ZNF473: variants seen among roughly 807,000 people sequenced by gnomAD.
ZNF473 encodes zinc finger protein 100 homolog.
ZNF473 carries 4 observed loss-of-function variants against 11.1 expected under a neutral mutation model. That is an observed-to-expected ratio of 0.36 (90% CI 0.18 to 0.82). ZNF473 has a LOEUF of 0.82. Ranked by LOEUF, ZNF473 falls within the 40% of genes least tolerant of loss-of-function variation. ZNF473 has a pLI of 0.49. For synonymous variants in ZNF473, 404 were observed against 390.4 expected (o/e 1.03, Z -0.41); for missense variants, 854 against 1,084.0 (o/e 0.79, Z 2.98).
At position 50,039,577 on chromosome 19, in the gene ZNF473, C is replaced by T. The variant is rs373548366; in HGVS notation, c.136+290C>T. ...AGCCCCACAACCAAGGATTGGCCCA[C>T]GCCAGTGTCAGTAGTGCTAAGCCTG... On this transcript the variant is annotated intron_variant, in intron 3 of 4. Transcript: ENST00000270617. This position sits in a 1 kb window ranked among gnomAD's most constrained non-coding sequence, Gnocchi z 4.8. 4.6e-5 allele frequency among the ~76,000 whole-genome samples: 7 copies of T among 152,276 alleles called. No homozygotes were observed. The highest frequency in any genetic ancestry group is 4.1e-4 in the South Asian group (2 of 4,834).
In ZNF473 at chr19:50,044,714, G is replaced by A. The variant is rs369241145; in HGVS notation, c.271G>A (p.Glu91Lys). ...CTCTCCTCTGATGGAGGATTTCTTCGAAGAAGGATTCTCCCAGGAGATTAT... is the reference window on the plus strand; with the variant it reads ...CTCTCCTCTGATGGAGGATTTCTTCAAAGAAGGATTCTCCCAGGAGATTAT... ...KNSPLMEDFF[E>K]EGFSQEIIEM... Residue 91 changes from glutamate to lysine, a missense_variant, in exon 5 of 5, where the codon GAA (glutamate) becomes AAA (lysine). Glu to Lys is a moderately conservative substitution (Grantham distance 56, BLOSUM62 1). This residue lies in a region of ZNF473 where 668 missense variants were observed against 790.2 expected (regional missense o/e 0.85). Transcript: ENST00000270617. 5 of 1,613,136 alleles carry A rather than the reference G, an allele frequency of 3.1e-6. No homozygotes were observed. The highest frequency in any genetic ancestry group is 2.7e-5 in the African/African-American group (2 of 74,846).
chr19:50,029,400 C>A (rs1245317804), intron 1 of ZNF473, among the ~76,000 whole-genome samples: 48 of 152,266 alleles, frequency 3.2e-4, no homozygotes, highest in Admixed American at 3.1e-3. Flanking sequence ...CCTGCCTTGG[C>A]CTCCCAAAGT....
chr19:50,035,990 C>T (rs1436478580), intron 2 of ZNF473, among the ~76,000 whole-genome samples: 1 of 151,728 alleles, frequency 6.6e-6, no homozygotes, highest in African/African-American at 2.4e-5. Flanking sequence ...GAGAGGGAGA[C>T]TCTGTTTTCT....
Position 50,044,679 on chromosome 19 carries a change from A to G in ZNF473, c.236A>G (p.Glu79Gly). Residue 79 changes from glutamate to glycine, a missense_variant, in exon 5 of 5, where the codon GAG (glutamate) becomes GGG (glycine). By Grantham distance (98) the Glu-to-Gly change is moderately conservative. This residue lies in a region of ZNF473 where 668 missense variants were observed against 790.2 expected (regional missense o/e 0.85). Transcript: ENST00000270617. ...SPEATSPDVT[E>G]TKNSPLMEDF... ...GCACTTGCTCTTTCAGATGTGACTG[A>G]GACCAAGAACTCTCCTCTGATGGAG... is the stretch of plus-strand genomic sequence containing the variant. 6.2e-7 allele frequency: 1 copy of G among 1,607,472 alleles called. No individual in the cohort carries two copies.
At chr19:50,038,176 A>T (rs1383378394) in intron 2 of ZNF473, among the ~76,000 whole-genome samples, 1 of 133,740 alleles carries the variant, frequency 7.5e-6, no homozygotes, top group Admixed American at 7.1e-5. Context: ...ATAAATTATA[A>T]TTTTATAAAT....
intron 1 of ZNF473, among the ~76,000 whole-genome samples, chr19:50,030,391 C>T (rs1014603332): frequency 6.6e-6 from 1 of 152,060 alleles, no homozygotes; most frequent in Non-Finnish European, 1.5e-5. Flanking sequence ...GCTTGTAGTC[C>T]CAGCTGCTTG....
chr19:50,026,550 T>TAA (rs71180669), intron 1 of ZNF473, among the ~76,000 whole-genome samples: 11 of 119,342 alleles, frequency 9.2e-5, no homozygotes, highest in South Asian at 5.3e-4. Flanking sequence ...GACTACATCT[T>TAA]AAAAAAAAAA....
chr19:50,039,244 C>T lies in ZNF473; in HGVS notation c.93C>T (p.Phe31=). 1 of 1,614,154 alleles carries T rather than the reference C, an allele frequency of 6.2e-7. No individual in the cohort carries two copies. Among genetic ancestry groups the T allele is most frequent in the Non-Finnish European group, 8.5e-7 (1 of 1,180,006 alleles). ...TCGGGCTGGAACAGGGGGACACGTT[C>T]TGGGACACAGCGTTGGACAATTGCC... The part of the protein sequence containing the change: ...EQLGLEQGDT[F]WDTALDNCQD... The change falls in exon 3 of 5, where the codon TTC becomes TTT. Residue 31 remains phenylalanine, a synonymous_variant. Transcript: ENST00000270617. This position sits in a 1 kb window ranked among gnomAD's most constrained non-coding sequence, Gnocchi z 4.8.
intron 1 of ZNF473, among the ~76,000 whole-genome samples, chr19:50,030,230 A>G (rs1253179298): frequency 1.3e-5 from 2 of 152,170 alleles, no homozygotes; most frequent in Non-Finnish European, 2.9e-5. Flanking sequence ...GATAGTGGCC[A>G]GGTGCGGTGG....
chr19:50,036,254 C>T (rs191173962), intron 2 of ZNF473, among the ~76,000 whole-genome samples: 113 of 151,972 alleles, frequency 7.4e-4, no homozygotes, highest in African/African-American at 2.5e-3. Context: ...GCCACCATGC[C>T]CCACCAATCG....
chr19:50,045,412 C>T lies in ZNF473; in HGVS notation c.969C>T (p.Asn323=), dbSNP rs202040286. ...THTDSKSYNC[N]ECGKAFTRIF... Reference sequence around the variant, plus strand: ...CAGATAGTAAGTCCTACAACTGTAACGAATGCGGCAAGGCTTTTACCCGGA... The same window carrying T: ...CAGATAGTAAGTCCTACAACTGTAATGAATGCGGCAAGGCTTTTACCCGGA... Residue 323 remains asparagine, a synonymous_variant, in exon 5 of 5, where the codon AAC becomes AAT. Coordinates refer to ENST00000270617, the MANE Select transcript of ZNF473 (RefSeq NM_015428.4). 58 of 1,614,160 alleles carry T rather than the reference C, an allele frequency of 3.6e-5. No homozygotes were observed. The highest frequency in any genetic ancestry group is 1.6e-4 in the African/African-American group (12 of 75,020).
intron 2 of ZNF473, among the ~76,000 whole-genome samples, chr19:50,035,966 ACT>A (rs1355866513): frequency 7.0e-6 from 1 of 143,760 alleles, no homozygotes; most frequent in African/African-American, 2.6e-5. Flanking sequence ...CCCCTTTGAA[ACT>A]CTTTTTTTTT....
chr19:50,036,082 G>A (rs902308141), intron 2 of ZNF473, among the ~76,000 whole-genome samples: 3 of 151,626 alleles, frequency 2.0e-5, no homozygotes, highest in Non-Finnish European at 2.9e-5. Flanking sequence ...TCAGCCTCCC[G>A]AGTAGCTGGG....
intron 1 of ZNF473, among the ~76,000 whole-genome samples, chr19:50,030,533 G>A (rs1278139899): frequency 1.3e-5 from 2 of 152,130 alleles, no homozygotes; most frequent in Non-Finnish European, 2.9e-5. Context: ...CAGTTTCGGA[G>A]GCCAATTTAC....
Position 50,045,063 on chromosome 19 carries a change from A to G in ZNF473, c.620A>G (p.Lys207Arg), listed in dbSNP as rs1978996385. 1.9e-6 allele frequency: 3 copies of G among 1,614,176 alleles called. No homozygotes were observed. Among genetic ancestry groups the G allele is most frequent in the Non-Finnish European group, 2.5e-6 (3 of 1,180,034 alleles). Residue 207 changes from lysine to arginine, a missense_variant, in exon 5 of 5, where the codon AAA (lysine) becomes AGA (arginine). Lys to Arg is a conservative substitution (Grantham distance 26). Transcript: ENST00000270617. Reference sequence around the variant, plus strand: ...CAGGATTCTGTTCAGGAAGGGGAGAAACCATATCAATGTAGTGAATGTGGG... The same window carrying G: ...CAGGATTCTGTTCAGGAAGGGGAGAGACCATATCAATGTAGTGAATGTGGG... ...SQQDSVQEGEKPYQCSECGKS... is the reference protein window; with the variant it reads ...SQQDSVQEGERPYQCSECGKS...
At position 50,047,098 on chromosome 19, in the gene ZNF473, T is replaced by C. The variant is rs1979184835; in HGVS notation, c.*39T>C. The stretch of plus-strand genomic sequence containing the variant: ...GCAGAGTCCCAGAATATGAGACCGT[T>C]ACTCGGATGTTGAAAGTTGGAAACT... On this transcript the variant is annotated 3_prime_UTR_variant, in exon 5 of 5. Coordinates refer to ENST00000270617, the MANE Select transcript of ZNF473 (RefSeq NM_015428.4). 1 of 1,524,294 alleles carries C rather than the reference T, an allele frequency of 6.6e-7. No individual in the cohort carries two copies. The highest frequency in any genetic ancestry group is 8.9e-7 in the Non-Finnish European group (1 of 1,120,986). The allele number at this position is 1,524,294 out of a possible 1,614,324, so 94.4% of individuals were successfully genotyped here.
chr19:50,030,947 G>T lies in ZNF473; in HGVS notation c.-136G>T. ...TCCTGGACATTTTGGGGGCTCGTCAGCATGGACAGCGAGTCAGCCATGGGT... is the reference window on the plus strand; with the variant it reads ...TCCTGGACATTTTGGGGGCTCGTCATCATGGACAGCGAGTCAGCCATGGGT... On this transcript the variant is annotated 5_prime_UTR_variant, in exon 2 of 5. Coordinates refer to ENST00000270617, the MANE Select transcript of ZNF473 (RefSeq NM_015428.4). The T allele has an allele frequency of 7.6e-7, 1 of 1,314,854 alleles. No homozygotes were observed. Among genetic ancestry groups the T allele is most frequent in the Non-Finnish European group, 1.1e-6 (1 of 934,874 alleles). The allele number at this position is 1,314,854 out of a possible 1,614,324, so 81.4% of individuals were successfully genotyped here.
rs1023221242 is a variant in ZNF473 at position 50,048,254 on chromosome 19, T to C, written c.*1195T>C. 2.0e-5 allele frequency: 3 copies of C among 152,378 alleles called. No homozygotes were observed. The East Asian group carries it at 5.8e-4, about 29-fold the overall frequency. The allele number at this position is 152,378 out of a possible 1,614,324, so 9.4% of individuals were successfully genotyped here. A position where few individuals can be genotyped will look rare whatever the true frequency, so the allele number is the denominator to read the frequency against. On this transcript the variant is annotated 3_prime_UTR_variant, in exon 5 of 5. Coordinates refer to ENST00000270617, the MANE Select transcript of ZNF473 (RefSeq NM_015428.4). ...CACAACCAGTTCCCTACCAGTGTCTTGTCAGCTCTGGGTGTTTGTTCCCTG... is the reference window on the plus strand; with the variant it reads ...CACAACCAGTTCCCTACCAGTGTCTCGTCAGCTCTGGGTGTTTGTTCCCTG...
intron 4 of ZNF473, chr19:50,042,687 C>G (rs143849176): frequency 2.0e-5 from 3 of 152,322 alleles, no homozygotes; most frequent in Non-Finnish European, 4.4e-5. Flanking sequence ...GCATAGTTAC[C>G]ACATAAGCGT....
Sources: allele counts gnomAD v4.1 joint callset (sites outside exome capture counted in the v4.1 genomes callset), GRCh38; gene constraint gnomAD v4.1.1; regional missense constraint gnomAD v4.1.1; non-coding constraint Gnocchi (gnomAD v3.1); transcripts MANE v1.5; gene names NCBI Gene and HGNC (gene_info 2026-07-23, HGNC 2026-07-21).